SHLD1: variants seen among roughly 807,000 people sequenced by gnomAD.
SHLD1 encodes the protein RINN1-REV7-interacting novel NHEJ regulator 3.
SHLD1 carries 3 observed loss-of-function variants against 5.5 expected under a neutral mutation model. The observed-to-expected ratio is 0.54, with a 90% CI of 0.25 to 1.40. The LOEUF (loss-of-function observed/expected upper bound fraction) is 1.40, where lower values mean the gene tolerates loss of function less well. SHLD1 is among the 40% of genes most tolerant of loss of function. The probability of loss-of-function intolerance (pLI) is 0.15; values close to 1 mark genes in which losing one functional copy is unlikely to be tolerated. For synonymous variants in SHLD1, 92 were observed against 94.3 expected, an observed-to-expected ratio of 0.98 and a Z score of 0.14; for missense variants, 210 against 244.4, an observed-to-expected ratio of 0.86 and a Z score of 0.94.
intron 1 of SHLD1, 70 bp from the exon 2 acceptor site, chr20:5,772,792 T>C (rs966043173): frequency 6.0e-5 from 80 of 1,336,230 alleles, no homozygotes; most frequent in Non-Finnish European, 7.7e-5. Flanking sequence ...TTCTTCAAGC[T>C]CTGTCTCCAA....
At chr20:5,834,177 G>A (rs1307869499) in intron 2 of SHLD1, among the ~76,000 whole-genome samples, 6 of 152,278 alleles carry the variant, frequency 3.9e-5, no homozygotes, top group Middle Eastern at 6.8e-3. Context: ...CCTGGAGGCC[G>A]GGAGGGTGTC....
At chr20:5,756,358 G>C (rs1984101359) in intron 1 of SHLD1, among the ~76,000 whole-genome samples, 1 of 151,944 alleles carries the variant, frequency 6.6e-6, no homozygotes, top group Non-Finnish European at 1.5e-5. Context: ...TTCTATTTGG[G>C]GGACATTGCC....
At chr20:5,790,125 C>A (rs1339313543) in intron 2 of SHLD1, among the ~76,000 whole-genome samples, 1 of 152,136 alleles carries the variant, frequency 6.6e-6, no homozygotes, top group Non-Finnish European at 1.5e-5. Flanking sequence ...TGGGCCAGAG[C>A]CTCCCTCCCC....
At chr20:5,849,586 AATGTGTCATAATAC>A (rs1331512403) in intron 2 of SHLD1, among the ~76,000 whole-genome samples, 1 of 152,202 alleles carries the variant, frequency 6.6e-6, no homozygotes, top group Non-Finnish European at 1.5e-5. Flanking sequence ...CAGGTTGCAT[AATGTGTCATAATAC>A]ATGTATACAT....
intron 2 of SHLD1, among the ~76,000 whole-genome samples, chr20:5,857,534 T>C (rs895759853): frequency 2.6e-5 from 4 of 152,122 alleles, no homozygotes; most frequent in African/African-American, 9.7e-5. Context: ...CTTGGTCAGG[T>C]GCTGTGTCTC....
intron 2 of SHLD1, among the ~76,000 whole-genome samples, chr20:5,784,499 G>A (rs1363247337): frequency 1.3e-5 from 2 of 151,740 alleles, no homozygotes; most frequent in Non-Finnish European, 2.9e-5. Context: ...TGTCCAGGCT[G>A]GAGTGCAGTG....
chr20:5,775,861 A>G (rs1402815929), intron 2 of SHLD1, among the ~76,000 whole-genome samples: 1 of 148,454 alleles, frequency 6.7e-6, no homozygotes, highest in Non-Finnish European at 1.5e-5. Flanking sequence ...GACTCTCAGG[A>G]GATCCAATTC....
rs375996514 is a variant in SHLD1, at chr20:5,764,527, CA to C, written c.-4-8314del. ...TGGGCAATATAGTGAGACCTTGTCT[CA>C]AAAAAAAAAAAAAAAAAAAATTTTG... On this transcript the variant is annotated intron_variant, in intron 1 of 2. Coordinates refer to ENST00000303142, the MANE Select transcript of SHLD1 (RefSeq NM_152504.4). Among the ~76,000 whole-genome samples the C allele has an allele frequency of 5.1e-3, 561 of 111,084 alleles. 1 individual carries two copies. The highest frequency in any genetic ancestry group is 0.014 in the African/African-American group (395 of 28,384). The allele number at this position is 111,084 out of a possible 152,430, so 72.9% of individuals were successfully genotyped here. A position where few individuals can be genotyped will look rare whatever the true frequency, so the allele number is the denominator to read the frequency against.
chr20:5,812,209 A>G (rs2087469100), intron 2 of SHLD1, among the ~76,000 whole-genome samples: 1 of 152,048 alleles, frequency 6.6e-6, no homozygotes, highest in Admixed American at 6.6e-5. Context: ...TTTAACATTC[A>G]AAATGAAAGA....
intron 2 of SHLD1, among the ~76,000 whole-genome samples, chr20:5,809,747 A>G (rs1222165062): frequency 6.6e-6 from 1 of 152,014 alleles, no homozygotes; most frequent in Admixed American, 6.5e-5. Context: ...TGTTAAAGCC[A>G]TAGGATGCTA....
At chr20:5,764,638 G>A (rs1481953088) in intron 1 of SHLD1, among the ~76,000 whole-genome samples, 1 of 151,926 alleles carries the variant, frequency 6.6e-6, no homozygotes, top group African/African-American at 2.4e-5. Context: ...GGTTGAGGCT[G>A]TAGTCAGCTA....
intron 2 of SHLD1, among the ~76,000 whole-genome samples, chr20:5,800,237 A>T (rs974380539): frequency 6.6e-6 from 1 of 152,228 alleles, no homozygotes; most frequent in Non-Finnish European, 1.5e-5. Flanking sequence ...GATTCTTCCC[A>T]CACTGTCTTG....
At chr20:5,764,162 A>ATATATATATATATTTT (rs1984670675) in intron 1 of SHLD1, among the ~76,000 whole-genome samples, 5 of 83,798 alleles carry the variant, frequency 6.0e-5, no homozygotes, top group African/African-American at 2.3e-4. Flanking sequence ...TTATATTTAT[A>ATATATATATATATTTT]TATATATATA....
intron 2 of SHLD1, chr20:5,773,301 C>T (rs1325715598): frequency 6.5e-6 from 4 of 611,454 alleles, no homozygotes; most frequent in Non-Finnish European, 1.2e-5. Context: ...TTTCTAATCT[C>T]CCTCAAAATG....
At chr20:5,774,589 G>T (rs1280086148) in intron 2 of SHLD1, among the ~76,000 whole-genome samples, 1 of 152,180 alleles carries the variant, frequency 6.6e-6, no homozygotes, top group Non-Finnish European at 1.5e-5. Flanking sequence ...ATCAATCAGG[G>T]CGGAAGGCAA....
At chr20:5,825,263 C>CGA (rs1267306197) in intron 2 of SHLD1, among the ~76,000 whole-genome samples, 4 of 152,192 alleles carry the variant, frequency 2.6e-5, no homozygotes, top group Non-Finnish European at 5.9e-5. Context: ...TGAGGCTATT[C>CGA]AGAAACAACA....
At chr20:5,811,423 T>G (rs2061487233) in intron 2 of SHLD1, among the ~76,000 whole-genome samples, 1 of 152,168 alleles carries the variant, frequency 6.6e-6, no homozygotes. Flanking sequence ...CCTCAGGAGT[T>G]TTAATTAAAA....
intron 2 of SHLD1, among the ~76,000 whole-genome samples, chr20:5,858,764 G>C (rs2088122188): frequency 6.6e-6 from 1 of 152,192 alleles, no homozygotes; most frequent in Non-Finnish European, 1.5e-5. Flanking sequence ...GAGCCCAGGA[G>C]GTGGAGGCTG....
At chr20:5,791,034 G>A (rs1442480915) in intron 2 of SHLD1, among the ~76,000 whole-genome samples, 2 of 151,910 alleles carry the variant, frequency 1.3e-5, no homozygotes, top group Admixed American at 6.6e-5. Flanking sequence ...AGGGTGGCAC[G>A]CACTTTTAGT....
Sources: gnomAD v4.1 joint callset for allele counts (sites outside exome capture counted in the v4.1 genomes callset) on GRCh38, gnomAD v4.1.1 for gene constraint, MANE v1.5 for transcripts, NCBI Gene and HGNC (gene_info 2026-07-23, HGNC 2026-07-21) for gene names.